The following VWA2 variants were observed in gnomAD, a reference collection of about 807,000 sequenced individuals.
The protein encoded by VWA2 is von Willebrand factor A domain-containing protein 2.
In VWA2, 73 loss-of-function variants were observed where a neutral mutation model predicts 70.4. The observed-to-expected ratio is 1.04, with a 90% CI of 0.86 to 1.26. VWA2 has a LOEUF of 1.26. Among genes scored for constraint, VWA2 ranks in the 50% most tolerant of loss-of-function variants. The pLI is 0.00. For synonymous variants in VWA2, 407 were observed against 423.3 expected (o/e 0.96, Z 0.47); for missense variants, 1,011 against 998.5 (o/e 1.01, Z -0.17).
intron 5 of VWA2, among the ~76,000 whole-genome samples, chr10:114,270,845 T>A (rs1263921287): frequency 6.6e-6 from 1 of 152,176 alleles, no homozygotes; most frequent in Non-Finnish European, 1.5e-5. Context: ...TTTTCTTTGA[T>A]AAGCCCATTG....
rs751190478 is a variant in VWA2 at position 114,289,487 on chromosome 10, G to A, written c.2120G>A (p.Gly707Glu). ...HQDVLIEWLC[G>E]EAKQPVNLCK... ...GACGTGCTCATTGAGTGGCTGTGTG[G>A]AGGTGAGTGGGGGAATCCACACCCT... Residue 707 changes from glycine to glutamate, a missense_variant and splice_region_variant, in exon 12 of 14, where the codon GGA (glycine) becomes GAA (glutamate). Gly to Glu is a moderately conservative substitution (Grantham distance 98, BLOSUM62 -2). Transcript: ENST00000392982. 13 of 1,614,010 alleles carry A rather than the reference G, an allele frequency of 8.1e-6. No homozygotes were observed. The highest frequency in any genetic ancestry group is 1.1e-5 in the Non-Finnish European group (13 of 1,180,020).
intron 6 of VWA2, 52 bp downstream of exon 6, chr10:114,272,986 C>G (rs758080261): frequency 1.4e-5 from 21 of 1,505,152 alleles, no homozygotes; most frequent in East Asian, 7.0e-5. Flanking sequence ...GCCTGGGGAT[C>G]GTGACATGGC....
chr10:114,291,094 CT>C (rs1190269326), intron 13 of VWA2, 123 bp from the exon 14 acceptor site: 1 of 1,158,052 alleles, frequency 8.6e-7, no homozygotes, highest in African/African-American at 1.5e-5. Context: ...AATCTGGCAT[CT>C]TCTGCTGGGG....
At chr10:114,290,620 A>G (rs1477704527) in intron 13 of VWA2, among the ~76,000 whole-genome samples, 1 of 152,232 alleles carries the variant, frequency 6.6e-6, no homozygotes, top group Non-Finnish European at 1.5e-5. Flanking sequence ...AAGACAGACA[A>G]TAAGCAAATA....
At chr10:114,287,629 C>G (rs989284620) in intron 11 of VWA2, among the ~76,000 whole-genome samples, 7 of 152,156 alleles carry the variant, frequency 4.6e-5, no homozygotes, top group Non-Finnish European at 7.3e-5. Context: ...CTGCCCACTC[C>G]CACCCTGCCC....
intron 6 of VWA2, among the ~76,000 whole-genome samples, chr10:114,274,090 G>C (rs1368769397): frequency 6.6e-6 from 1 of 152,192 alleles, no homozygotes; most frequent in Admixed American, 6.5e-5. Context: ...AAAGGCCCTG[G>C]GGCAGCAGGT....
In VWA2 at chr10:114,285,976, C is replaced by T; in HGVS notation, c.1035C>T (p.Leu345=). The change falls in exon 11 of 14, where the codon CTC becomes CTT. Residue 345 remains leucine, a synonymous_variant. Coordinates refer to ENST00000392982, the MANE Select transcript of VWA2 (RefSeq NM_001272046.2). ...GCCTGGAATGCAGGGTCGACCTCCT[C>T]TTCCTGCTGGACAGCTCTGCGGGCA... ...KLSLECRVDL[L]FLLDSSAGTT... 6.2e-7 allele frequency: 1 copy of T among 1,610,414 alleles called. No homozygotes were observed. The highest frequency in any genetic ancestry group is 1.7e-4 in the Middle Eastern group (1 of 6,050).
chr10:114,268,067 C>G (rs2037613465), intron 5 of VWA2, among the ~76,000 whole-genome samples: 1 of 152,166 alleles, frequency 6.6e-6, no homozygotes, highest in African/African-American at 2.4e-5. Context: ...TCTAACAATA[C>G]TATTTCTTTC....
intron 4 of VWA2, among the ~76,000 whole-genome samples, chr10:114,255,413 C>G (rs921422530): frequency 7.9e-5 from 12 of 152,196 alleles, no homozygotes; most frequent in Admixed American, 2.0e-4. Context: ...TTGGGCAGGC[C>G]TAGGTCACAT....
At chr10:114,272,575 ATTG>A (rs1398698245) in intron 5 of VWA2, among the ~76,000 whole-genome samples, 162 bp from the exon 6 acceptor site, 3 of 152,136 alleles carry the variant, frequency 2.0e-5, no homozygotes, top group African/African-American at 7.2e-5. Flanking sequence ...ATTTCTGTTC[ATTG>A]TTGTTGTGGT....
Position 114,286,363 on chromosome 10 carries a change from C to T in VWA2, c.1422C>T (p.Leu474=), listed in dbSNP as rs1276397504. The change falls in exon 11 of 14, where the codon CTC becomes CTT. Residue 474 remains leucine, a synonymous_variant. Coordinates refer to ENST00000392982, the MANE Select transcript of VWA2 (RefSeq NM_001272046.2). ...PARHARAREL[L]LLGVGSEAVR... ...GTCACGCAAGGGCGCGAGAGCTGCT[C>T]CTGCTGGGTGTAGGCAGTGAGGCCG... The T allele has an allele frequency of 2.5e-6, 4 of 1,613,722 alleles. No homozygotes were observed. Among genetic ancestry groups the T allele is most frequent in the East Asian group, 2.2e-5 (1 of 44,904 alleles).
rs116143407 is a variant in VWA2, at chr10:114,278,912, C to T, written c.833+61C>T. 625 of 1,601,480 alleles carry T rather than the reference C, an allele frequency of 3.9e-4. 2 individuals are homozygous for T. In the African/African-American group the frequency reaches 6.9e-3, roughly 18 times the overall value. ...GATGAAGGCCCCCACCCCTGAGCTG[C>T]GGGGAGGATAGTACTTTGGGGCCCT... is the stretch of plus-strand genomic sequence containing the variant. On this transcript the variant is annotated intron_variant, in intron 8 of 13. Transcript: ENST00000392982.
chr10:114,262,485 G>C (rs2037466261), intron 5 of VWA2, among the ~76,000 whole-genome samples: 1 of 152,054 alleles, frequency 6.6e-6, no homozygotes, highest in Non-Finnish European at 1.5e-5. Flanking sequence ...GATCCACTCT[G>C]GGCTCCTGCT....
chr10:114,262,849 A>T (rs1160524053), intron 5 of VWA2, among the ~76,000 whole-genome samples: 1 of 152,204 alleles, frequency 6.6e-6, no homozygotes, highest in East Asian at 1.9e-4. Flanking sequence ...AGTAGTGCAC[A>T]TCGGCCTTTT....
chr10:114,273,968 C>T (rs1185949405), intron 6 of VWA2, among the ~76,000 whole-genome samples: 2 of 152,176 alleles, frequency 1.3e-5, no homozygotes, highest in African/African-American at 4.8e-5. Flanking sequence ...GGTGGTCAGT[C>T]AAGGCTTCTT....
At position 114,289,804 on chromosome 10, in the gene VWA2, A is replaced by G. The variant is rs904268291; in HGVS notation, c.2122+315A>G. On this transcript the variant is annotated intron_variant, in intron 12 of 13. Coordinates refer to ENST00000392982, the MANE Select transcript of VWA2 (RefSeq NM_001272046.2). ...CTTCCTAAGGGTCTAAAGATCCCACATTCACACTGACTTGGGCAGTGACAG... is the reference window on the plus strand; with the variant it reads ...CTTCCTAAGGGTCTAAAGATCCCACGTTCACACTGACTTGGGCAGTGACAG... The G allele has an allele frequency of 1.5e-5, 6 of 412,738 alleles. No individual in the cohort carries two copies. In the East Asian group the frequency reaches 3.1e-4, roughly 21 times the overall value. 25.6% of individuals were successfully genotyped at this position (412,738 alleles called of 1,614,324 possible). A position where few individuals can be genotyped will look rare whatever the true frequency, so the allele number is the denominator to read the frequency against.
intron 1 of VWA2, among the ~76,000 whole-genome samples, chr10:114,243,771 T>A (rs2037015483): frequency 6.6e-6 from 1 of 152,242 alleles, no homozygotes; most frequent in South Asian, 2.1e-4. Context: ...GGCTTTTATT[T>A]CTTCCTGTGT....
At chr10:114,256,214 G>A (rs1027925748) in intron 4 of VWA2, among the ~76,000 whole-genome samples, 2 of 152,226 alleles carry the variant, frequency 1.3e-5, no homozygotes, top group African/African-American at 4.8e-5. Context: ...CAATCCAGAT[G>A]TACGCTGAGG....
At position 114,293,260 on chromosome 10, in the gene VWA2, C is replaced by G. The variant is rs1396293313; in HGVS notation, c.*2023C>G. ...AACGTCCGGGGCAGGATCACATGCT[C>G]CCTAGCAGATGCTGATCAGTGATGT... On this transcript the variant is annotated 3_prime_UTR_variant, in exon 14 of 14. Transcript: ENST00000392982. Among the ~76,000 whole-genome samples the G allele has an allele frequency of 6.6e-6, 1 of 152,210 alleles. No homozygotes were observed. Among genetic ancestry groups the G allele is most frequent in the East Asian group, 1.9e-4 (1 of 5,206 alleles).
Sources: allele counts gnomAD v4.1 joint callset (sites outside exome capture counted in the v4.1 genomes callset), GRCh38; gene constraint gnomAD v4.1.1; transcripts MANE v1.5; gene names NCBI Gene and HGNC (gene_info 2026-07-23, HGNC 2026-07-21).